ASIC2: variants seen among roughly 807,000 people sequenced by gnomAD.
ASIC2 encodes the protein acid-sensing ion channel 2.
A neutral mutation model predicts 57.3 loss-of-function variants in ASIC2; 25 were observed. That is an observed-to-expected ratio of 0.44 (90% CI 0.32 to 0.61). The LOEUF is 0.61. Ranked by LOEUF, ASIC2 falls within the 20% of genes least tolerant of loss-of-function variation. ASIC2 has a pLI of 0.06. For missense variants in ASIC2, 641 were observed against 738.1 expected (o/e 0.87, Z 1.52); for synonymous variants, 319 against 307.5 (o/e 1.04, Z -0.39).
At chr17:34,012,435 C>T (rs148531407) in intron 1 of ASIC2, among the ~76,000 whole-genome samples, 41 of 152,280 alleles carry the variant, frequency 2.7e-4, no homozygotes, top group African/African-American at 8.7e-4. Flanking sequence ...CATTTTCATG[C>T]GGTTGCACAT....
At chr17:33,865,768 AAAAC>A (rs1914220000) in intron 1 of ASIC2, among the ~76,000 whole-genome samples, 1 of 80,034 alleles carries the variant, frequency 1.2e-5, no homozygotes. Context: ...ATAAAAAAAA[AAAAC>A]AAAAAAAAAA....
chr17:33,902,961 C>G (rs1034598349), intron 1 of ASIC2, among the ~76,000 whole-genome samples: 1 of 152,302 alleles, frequency 6.6e-6, no homozygotes, highest in South Asian at 2.1e-4. Context: ...TGCATTCCCC[C>G]TTAGTCCAGG....
At chr17:33,493,544 C>T (rs1913827499) in intron 1 of ASIC2, among the ~76,000 whole-genome samples, 1 of 152,148 alleles carries the variant, frequency 6.6e-6, no homozygotes, top group Non-Finnish European at 1.5e-5. Flanking sequence ...TTCTTTCTTG[C>T]CCCCTTCAGT....
intron 1 of ASIC2, among the ~76,000 whole-genome samples, chr17:33,873,887 G>T (rs1420553450): frequency 6.6e-6 from 1 of 152,158 alleles, no homozygotes; most frequent in East Asian, 1.9e-4. Flanking sequence ...CCTTCCACTG[G>T]TCTTACCTCT....
chr17:33,413,821 A>C (rs1910744555), intron 1 of ASIC2, among the ~76,000 whole-genome samples: 1 of 152,132 alleles, frequency 6.6e-6, no homozygotes, highest in Non-Finnish European at 1.5e-5. Flanking sequence ...TCTCTCTCCC[A>C]GCACTCTGCC....
At chr17:33,202,440 A>G (rs550521050) in intron 1 of ASIC2, among the ~76,000 whole-genome samples, 4 of 152,268 alleles carry the variant, frequency 2.6e-5, no homozygotes, top group African/African-American at 9.6e-5. Flanking sequence ...GATGGGAAGC[A>G]GTGTGTGTAG....
At chr17:33,772,006 TTTTCTCTGGTTTTCTCC>T (rs1911128184) in intron 1 of ASIC2, among the ~76,000 whole-genome samples, 5 of 152,158 alleles carry the variant, frequency 3.3e-5, no homozygotes, top group Admixed American at 3.3e-4. Flanking sequence ...AAGCAGAAGC[TTTTCTCTGGTTTTCTCC>T]TGTCTTCCTG....
chr17:33,081,276 C>T (rs1025890548), intron 3 of ASIC2, among the ~76,000 whole-genome samples: 7 of 152,158 alleles, frequency 4.6e-5, no homozygotes, highest in African/African-American at 1.2e-4. Flanking sequence ...TTGGCAAAAT[C>T]GTCTGGGGAT....
chr17:33,568,909 T>C (rs1393297174), intron 1 of ASIC2, among the ~76,000 whole-genome samples: 3 of 152,192 alleles, frequency 2.0e-5, no homozygotes, highest in Non-Finnish European at 4.4e-5. Context: ...CATAAAATAG[T>C]CAATGGGAGC....
At chr17:33,778,739 G>A (rs183962702) in intron 1 of ASIC2, among the ~76,000 whole-genome samples, 31 of 152,232 alleles carry the variant, frequency 2.0e-4, no homozygotes, top group African/African-American at 5.5e-4. Flanking sequence ...AAGATAAGAT[G>A]GGAAAGAGTA....
intron 1 of ASIC2, among the ~76,000 whole-genome samples, chr17:34,122,726 C>T (rs760603648): frequency 6.6e-6 from 1 of 152,220 alleles, no homozygotes; most frequent in Admixed American, 6.5e-5. Context: ...GAGGCACCCT[C>T]CCCCACTCAC....
intron 1 of ASIC2, among the ~76,000 whole-genome samples, chr17:33,362,615 C>A (rs1908654388): frequency 6.6e-6 from 1 of 152,220 alleles, no homozygotes; most frequent in South Asian, 2.1e-4. Context: ...GTGACAACAT[C>A]TTTCTCACAG....
intron 1 of ASIC2, among the ~76,000 whole-genome samples, chr17:33,496,561 T>C (rs1427891969): frequency 6.7e-6 from 1 of 150,222 alleles, no homozygotes; most frequent in African/African-American, 2.5e-5. Context: ...GTACATGGCT[T>C]GGAATGGGGG....
chr17:34,155,603 A>G, intron 1 of ASIC2: 1 of 235,304 alleles, frequency 4.2e-6, no homozygotes, highest in Non-Finnish European at 8.3e-6. Context: ...ACACACACAC[A>G]GAATGCCACC....
chr17:33,321,215 C>T (rs998558449), intron 1 of ASIC2, among the ~76,000 whole-genome samples: 13 of 152,138 alleles, frequency 8.5e-5, no homozygotes, highest in Non-Finnish European at 1.3e-4. Flanking sequence ...TGAATAAATA[C>T]GTGTGCCATT....
At chr17:33,897,696 C>A (rs1202797146) in intron 1 of ASIC2, among the ~76,000 whole-genome samples, 1 of 152,198 alleles carries the variant, frequency 6.6e-6, no homozygotes, top group South Asian at 2.1e-4. Context: ...ACAATATTAC[C>A]TTTGCTCGGA....
rs115337882 is a variant in ASIC2, at chr17:33,164,331, A to G, written c.709-52264T>C. On this transcript the variant is annotated intron_variant, in intron 1 of 9. Coordinates refer to ENST00000225823, the MANE Select transcript of ASIC2 (RefSeq NM_183377.2). ...TAGGCGACTCATGAATCTTTCTGGG[A>G]TTCTGATGAATTGCTGTTTTCCTGA... Among the ~76,000 whole-genome samples, 524 of 152,264 alleles carry G rather than the reference A, an allele frequency of 3.4e-3. 4 individuals carry two copies. The highest frequency in any genetic ancestry group is 0.012 in the African/African-American group (492 of 41,540).
At chr17:33,275,163 G>A (rs1166928847) in intron 1 of ASIC2, among the ~76,000 whole-genome samples, 5 of 152,052 alleles carry the variant, frequency 3.3e-5, no homozygotes, top group East Asian at 1.9e-4. Flanking sequence ...CTGTCCCTGC[G>A]GCACTCCTGC....
At chr17:33,512,062 G>A (rs1021773562) in intron 1 of ASIC2, among the ~76,000 whole-genome samples, 1 of 152,144 alleles carries the variant, frequency 6.6e-6, no homozygotes, top group East Asian at 1.9e-4. Context: ...GTAAAAGGAG[G>A]AGTTTGGGAA....
Sources: gnomAD v4.1 joint callset for allele counts (sites outside exome capture counted in the v4.1 genomes callset) on GRCh38, gnomAD v4.1.1 for gene constraint, MANE v1.5 for transcripts, NCBI Gene and HGNC (gene_info 2026-07-23, HGNC 2026-07-21) for gene names.